The following IRF2 variants were observed in gnomAD, a reference collection of about 807,000 sequenced individuals.
The protein encoded by IRF2 is interferon regulatory factor 2.
IRF2 carries 15 observed loss-of-function variants against 40.6 expected under a neutral mutation model. The ratio of observed to expected loss-of-function variants is 0.37; its 90% CI spans 0.25 to 0.57. IRF2 has a LOEUF of 0.57. Among genes scored for constraint, IRF2 ranks in the 20% least tolerant of loss-of-function variants. IRF2 has a pLI of 0.77. For missense variants in IRF2, 317 were observed against 455.7 expected (o/e 0.70, Z 2.77); for synonymous variants, 151 against 165.5 (o/e 0.91, Z 0.67).
At chr4:184,428,667 C>T (rs1046198643) in intron 2 of IRF2, 3 of 471,086 alleles carry the variant, frequency 6.4e-6, no homozygotes, top group African/African-American at 2.0e-5. Context: ...GGTGTGGTGA[C>T]GTTTACCTGT....
At chr4:184,395,299 G>C (rs995170110) in intron 7 of IRF2, among the ~76,000 whole-genome samples, 1 of 150,834 alleles carries the variant, frequency 6.6e-6, no homozygotes, top group Non-Finnish European at 1.5e-5. Context: ...TGTAGTCCCA[G>C]CTACTCGGGA....
intron 6 of IRF2, among the ~76,000 whole-genome samples, chr4:184,403,767 G>A (rs1422122714): frequency 6.6e-6 from 1 of 152,198 alleles, no homozygotes; most frequent in Non-Finnish European, 1.5e-5. Flanking sequence ...TCACCTTAGT[G>A]AGTCTCCAGG....
At chr4:184,471,994 T>C (rs1302269792) in intron 1 of IRF2, 1 of 152,230 alleles carries the variant, frequency 6.6e-6, no homozygotes, top group Admixed American at 6.5e-5. Context: ...AACTCTTGGA[T>C]CTAAGAGACC....
At chr4:184,389,212 G>T (rs1274570624) in intron 8 of IRF2, 146 bp from the exon 9 acceptor site, 2 of 762,054 alleles carry the variant, frequency 2.6e-6, no homozygotes, top group African/African-American at 3.5e-5. Flanking sequence ...TTAACCTCAG[G>T]AGTTTGAGAC....
rs1427682302 is a variant in IRF2 at position 184,388,221 on chromosome 4, T to C, written c.*537A>G. 1 of 145,252 alleles carries C rather than the reference T, an allele frequency of 6.9e-6. No individual in the cohort carries two copies. The highest frequency in any genetic ancestry group is 2.6e-5 in the African/African-American group (1 of 38,776). 9.0% of individuals were successfully genotyped at this position (145,252 alleles called of 1,614,324 possible). On this transcript the variant is annotated 3_prime_UTR_variant, in exon 9 of 9. Coordinates refer to ENST00000393593, the MANE Select transcript of IRF2 (RefSeq NM_002199.4). This position sits in a 1 kb window ranked among gnomAD's most constrained non-coding sequence, Gnocchi z 4.6. ...AGGAAAAGAGCGGGATGGGATGGGA[T>C]GGGATGGGATGGGATGGGATGGGAT...
rs1253814918 is a variant in IRF2, at chr4:184,402,477, C to G, written c.530-3398G>C. On this transcript the variant is annotated intron_variant, in intron 6 of 8. Transcript: ENST00000393593. ...TCAAGTTGCTGGTTAACGCTATATA[C>G]CCGTATGGAGCTTTGAGTTGGTCAA... Among the ~76,000 whole-genome samples the G allele has an allele frequency of 2.0e-5, 3 of 152,276 alleles. No homozygotes were observed. The East Asian group carries it at 5.8e-4, about 29-fold the overall frequency.
intron 7 of IRF2, among the ~76,000 whole-genome samples, chr4:184,397,154 T>G (rs766114544): frequency 6.6e-5 from 10 of 152,256 alleles, no homozygotes; most frequent in Admixed American, 1.3e-4. Flanking sequence ...ATAATCTTCC[T>G]GTGGCCAAGG....
At chr4:184,419,388 A>T (rs1737397927) in intron 3 of IRF2, 81 bp downstream of exon 3, 1 of 960,334 alleles carries the variant, frequency 1.0e-6, no homozygotes, top group African/African-American at 1.6e-5. Flanking sequence ...TGAGGTCATA[A>T]GCCAGGCTAT....
At chr4:184,452,440 A>G (rs1345009185) in intron 1 of IRF2, among the ~76,000 whole-genome samples, 1 of 152,150 alleles carries the variant, frequency 6.6e-6, no homozygotes, top group Non-Finnish European at 1.5e-5. Context: ...CTCTTTGCTC[A>G]TGTTCTCATG....
At chr4:184,468,406 T>TAA (rs1739404901) in intron 1 of IRF2, among the ~76,000 whole-genome samples, 1 of 151,892 alleles carries the variant, frequency 6.6e-6, no homozygotes, top group East Asian at 1.9e-4. Flanking sequence ...AGAATCACTT[T>TAA]AACCCAGGAG....
intron 1 of IRF2, among the ~76,000 whole-genome samples, chr4:184,453,652 C>T (rs969900067): frequency 7.2e-5 from 11 of 152,172 alleles, no homozygotes; most frequent in Admixed American, 5.9e-4. Flanking sequence ...ACACTGGAGA[C>T]GTAACAGTAT....
At chr4:184,459,118 T>G (rs962400219) in intron 1 of IRF2, among the ~76,000 whole-genome samples, 9 of 152,002 alleles carry the variant, frequency 5.9e-5, no homozygotes, top group African/African-American at 2.2e-4. Flanking sequence ...GCTTTTTTCA[T>G]GAGTCCCAAG....
At chr4:184,450,198 T>G (rs1484594087) in intron 1 of IRF2, among the ~76,000 whole-genome samples, 2 of 152,210 alleles carry the variant, frequency 1.3e-5, no homozygotes, top group Non-Finnish European at 2.9e-5. Flanking sequence ...TCACACTGAT[T>G]GGGATAAATA....
At chr4:184,390,072 A>C (rs1445917273) in intron 8 of IRF2, among the ~76,000 whole-genome samples, 4 of 152,152 alleles carry the variant, frequency 2.6e-5, no homozygotes, top group Non-Finnish European at 5.9e-5. Flanking sequence ...TAATTCAAAC[A>C]ACCATGAGCT....
At chr4:184,424,019 G>A (rs1330717642) in intron 2 of IRF2, among the ~76,000 whole-genome samples, 1 of 152,008 alleles carries the variant, frequency 6.6e-6, no homozygotes, top group Non-Finnish European at 1.5e-5. Context: ...GTCTTACAAT[G>A]TATGCTGTCA....
chr4:184,411,691 A>G (rs147606412), intron 5 of IRF2, among the ~76,000 whole-genome samples: 1,973 of 152,256 alleles, frequency 0.013, 29 homozygotes, highest in Non-Finnish European at 0.02. Context: ...AGGAATATCT[A>G]AATCTAAGGT....
intron 5 of IRF2, among the ~76,000 whole-genome samples, chr4:184,411,896 T>A: frequency 6.6e-6 from 1 of 151,770 alleles, no homozygotes; most frequent in East Asian, 1.9e-4. Flanking sequence ...TGGTCAGGAT[T>A]CACATCCCCT....
chr4:184,456,785 C>T (rs1738956732), intron 1 of IRF2, among the ~76,000 whole-genome samples: 1 of 152,260 alleles, frequency 6.6e-6, no homozygotes, highest in South Asian at 2.1e-4. Context: ...ACCGAGTCTA[C>T]GCGAGTCCTG....
chr4:184,437,847 AAC>A (rs1482108674), intron 1 of IRF2, among the ~76,000 whole-genome samples: 17 of 142,972 alleles, frequency 1.2e-4, no homozygotes, highest in Non-Finnish European at 1.4e-4. Context: ...AAAAAAAAAA[AAC>A]CCACACACAC....
Sources: gnomAD v4.1 joint callset for allele counts (sites outside exome capture counted in the v4.1 genomes callset) on GRCh38, gnomAD v4.1.1 for gene constraint, Gnocchi (gnomAD v3.1) non-coding constraint, MANE v1.5 for transcripts, NCBI Gene and HGNC (gene_info 2026-07-23, HGNC 2026-07-21) for gene names.